The following SORBS2 variants were observed in gnomAD, a reference collection of about 807,000 sequenced individuals.
SORBS2 encodes sorbin and SH3 domain-containing protein 2.
Under a neutral mutation model 97.7 loss-of-function variants are expected in SORBS2, and 46 were observed. The observed-to-expected ratio is 0.47, with a 90% CI of 0.37 to 0.60. The LOEUF (loss-of-function observed/expected upper bound fraction) is 0.60. Among genes scored for constraint, SORBS2 ranks in the 20% least tolerant of loss-of-function variants. The pLI is 0.00. For synonymous variants in SORBS2, 476 were observed against 473.4 expected, an observed-to-expected ratio of 1.01 and a Z score of -0.07; for missense variants, 1,316 against 1,282.3, an observed-to-expected ratio of 1.03 and a Z score of -0.40.
At position 185,623,080 on chromosome 4, in the gene SORBS2, C is replaced by G; in HGVS notation, c.2049G>C (p.Arg683Ser). 6.2e-7 allele frequency: 1 copy of G among 1,614,092 alleles called. No homozygotes were observed. Among genetic ancestry groups the G allele is most frequent in the South Asian group, 1.1e-5 (1 of 91,064 alleles). Residue 683 changes from arginine to serine, a missense_variant, in exon 7 of 15, where the codon AGG becomes AGC. Arg to Ser is a moderately radical substitution (Grantham distance 110). Coordinates refer to ENST00000418609, the Ensembl canonical transcript of SORBS2. This position sits in a 1 kb window ranked among gnomAD's most constrained non-coding sequence, Gnocchi z 6.4. ...GGAGAGGCTGGTGCAGGGGGCTCCT[C>G]CTCAGCGCTCTCAGGGATGAGTTCC...
At chr4:185,879,186 C>T (rs1329158008) in intron 1 of SORBS2, among the ~76,000 whole-genome samples, 1 of 130,778 alleles carries the variant, frequency 7.6e-6, no homozygotes, top group Non-Finnish European at 1.6e-5. Flanking sequence ...CACCCCACGA[C>T]AGGCCCCGGT....
intron 7 of SORBS2, among the ~76,000 whole-genome samples, chr4:185,620,684 T>C (rs1315576757): frequency 6.6e-6 from 1 of 152,104 alleles, no homozygotes; most frequent in Non-Finnish European, 1.5e-5. Context: ...CCTTCTGCCT[T>C]ACTCTCCCCT....
intron 1 of SORBS2, among the ~76,000 whole-genome samples, chr4:185,901,582 T>C (rs1476104623): frequency 1.3e-5 from 2 of 152,194 alleles, no homozygotes; most frequent in Non-Finnish European, 2.9e-5. Context: ...GGGGTTATTC[T>C]ATATTTATAC....
intron 2 of SORBS2, among the ~76,000 whole-genome samples, chr4:185,725,019 A>G (rs2098546016): frequency 6.6e-6 from 1 of 152,210 alleles, no homozygotes; most frequent in African/African-American, 2.4e-5. Context: ...TGCTCAGTGT[A>G]CTTAAAAACA....
intron 6 of SORBS2, among the ~76,000 whole-genome samples, chr4:185,624,812 GTT>G (rs2096782978): frequency 6.6e-6 from 1 of 152,160 alleles, no homozygotes. Context: ...TGACAATATT[GTT>G]TGCCAAAACA....
chr4:185,767,774 G>T (rs910214231), intron 2 of SORBS2, among the ~76,000 whole-genome samples: 8 of 152,080 alleles, frequency 5.3e-5, no homozygotes, highest in East Asian at 1.9e-4. Flanking sequence ...TGTGTAACAG[G>T]GTCTGTCCAG....
intron 12 of SORBS2, chr4:185,605,941 G>T: frequency 4.1e-6 from 1 of 246,812 alleles, no homozygotes; most frequent in Non-Finnish European, 6.5e-6. Context: ...TAAAACCACT[G>T]TTCAAGATTC....
At chr4:185,677,252 G>A (rs2097800771) in intron 4 of SORBS2, 2 of 1,551,870 alleles carry the variant, frequency 1.3e-6, no homozygotes, top group Non-Finnish European at 8.7e-7. Context: ...GAGTACTAAT[G>A]GGGCTGCTAC....
At chr4:185,855,617 G>A (rs562179736) in intron 1 of SORBS2, among the ~76,000 whole-genome samples, 295 of 152,262 alleles carry the variant, frequency 1.9e-3, no homozygotes, top group Non-Finnish European at 3.4e-3. Context: ...TAAAAGCAAA[G>A]TAAGAAAGGT....
intron 2 of SORBS2, among the ~76,000 whole-genome samples, chr4:185,716,990 C>G (rs1408548650): frequency 6.6e-6 from 1 of 152,186 alleles, no homozygotes; most frequent in East Asian, 1.9e-4. Flanking sequence ...GATTTTTAAC[C>G]ACAACCAAGA....
intron 1 of SORBS2, among the ~76,000 whole-genome samples, chr4:185,861,156 T>C (rs939969683): frequency 2.6e-5 from 4 of 152,176 alleles, no homozygotes; most frequent in Admixed American, 2.0e-4. Flanking sequence ...TCTGTTTTAA[T>C]GTTCATGCTG....
intron 2 of SORBS2, among the ~76,000 whole-genome samples, chr4:185,697,470 C>T (rs879397405): frequency 1.4e-3 from 213 of 152,210 alleles, no homozygotes; most frequent in Non-Finnish European, 2.8e-3. Context: ...TAAGATTTTC[C>T]CCCCCACACA....
In SORBS2 at chr4:185,688,336, T is replaced by C. The variant is rs575033023; in HGVS notation, c.-197-9514A>G. Among the ~76,000 whole-genome samples, 42 of 152,224 alleles carry C rather than the reference T, an allele frequency of 2.8e-4. 1 individual carries two copies. The South Asian group carries it at 8.3e-3, about 30-fold the overall frequency. On this transcript the variant is annotated intron_variant, in intron 2 of 20. Transcript: ENST00000284776. ...AAATAGGAATATATATTTTTAATGA[T>C]TGATATATTGGATAGATATATCTAT...
At chr4:185,805,950 T>A (rs1001204694) in intron 1 of SORBS2, among the ~76,000 whole-genome samples, 39 of 152,210 alleles carry the variant, frequency 2.6e-4, no homozygotes, top group Admixed American at 8.5e-4. Context: ...TGTGAAGGCA[T>A]CTTGATAATC....
chr4:185,920,115 C>G (rs61630264), intron 1 of SORBS2, among the ~76,000 whole-genome samples: 28,182 of 152,162 alleles, frequency 0.19, 3,435 homozygotes, highest in African/African-American at 0.35. Flanking sequence ...TAGTGGTACA[C>G]AAATTTGATT....
chr4:185,622,080 A>G (rs1231498698), intron 7 of SORBS2, among the ~76,000 whole-genome samples: 2 of 152,254 alleles, frequency 1.3e-5, no homozygotes, highest in Non-Finnish European at 2.9e-5. Context: ...TTGGTCACAA[A>G]TATTAAAACA....
intron 1 of SORBS2, among the ~76,000 whole-genome samples, chr4:185,784,888 C>T (rs986691226): frequency 2.0e-5 from 3 of 152,188 alleles, no homozygotes; most frequent in South Asian, 2.1e-4. Context: ...ACATGCCTAA[C>T]GCCCCGGGAG....
At chr4:185,873,580 T>C (rs2099231630) in intron 1 of SORBS2, among the ~76,000 whole-genome samples, 1 of 152,202 alleles carries the variant, frequency 6.6e-6, no homozygotes, top group African/African-American at 2.4e-5. Context: ...TTTTCTTTGC[T>C]GCTAAGAGCT....
chr4:185,604,122 A>T (rs1007555999), intron 12 of SORBS2, among the ~76,000 whole-genome samples: 1 of 152,234 alleles, frequency 6.6e-6, no homozygotes, highest in Non-Finnish European at 1.5e-5. Flanking sequence ...TCTTATTATG[A>T]TATACATTTT....
Sources: gnomAD v4.1 joint callset for allele counts (sites outside exome capture counted in the v4.1 genomes callset) on GRCh38, gnomAD v4.1.1 for gene constraint, Gnocchi (gnomAD v3.1) non-coding constraint, MANE v1.5 for transcripts, NCBI Gene and HGNC (gene_info 2026-07-23, HGNC 2026-07-21) for gene names.